ALX4: variants seen among roughly 807,000 people sequenced by gnomAD.
The protein encoded by ALX4 is ALX homeobox 4, also known as homeobox protein aristaless-like 4.
A neutral mutation model predicts 40.6 loss-of-function variants in ALX4; 22 were observed. The observed-to-expected ratio is 0.54, with a 90% CI of 0.39 to 0.77. The LOEUF (loss-of-function observed/expected upper bound fraction) is 0.77. ALX4 is among the 30% of genes least tolerant of loss of function. The pLI is 0.00. For synonymous variants in ALX4, 266 were observed against 240.5 expected (o/e 1.11, Z -0.98); for missense variants, 556 against 564.8 (o/e 0.98, Z 0.16).
chr11:44,280,009 T>C (rs1334071349), intron 1 of ALX4, among the ~76,000 whole-genome samples: 1 of 152,208 alleles, frequency 6.6e-6, no homozygotes, highest in East Asian at 1.9e-4. Context: ...GCCGATGTTC[T>C]ATAGAGCATG....
chr11:44,270,506 AG>A (rs1956239662), intron 2 of ALX4, among the ~76,000 whole-genome samples: 1 of 151,990 alleles, frequency 6.6e-6, no homozygotes, highest in Non-Finnish European at 1.5e-5. Flanking sequence ...TATCCTCCCC[AG>A]TAAATTGGAG....
chr11:44,273,710 G>A (rs1565000878), intron 2 of ALX4, among the ~76,000 whole-genome samples: 1 of 152,176 alleles, frequency 6.6e-6, no homozygotes, highest in Non-Finnish European at 1.5e-5. Context: ...CCAGCAGTAT[G>A]GGAGGCTGAG....
chr11:44,306,420 G>A (rs1308277831), intron 1 of ALX4, among the ~76,000 whole-genome samples: 1 of 152,252 alleles, frequency 6.6e-6, no homozygotes, highest in Non-Finnish European at 1.5e-5. Context: ...CACCTTCCTT[G>A]CCGAGAGGCA....
intron 1 of ALX4, among the ~76,000 whole-genome samples, chr11:44,289,577 A>G (rs1048886747): frequency 1.3e-5 from 2 of 152,180 alleles, no homozygotes; most frequent in Non-Finnish European, 2.9e-5. Flanking sequence ...GTGATGAGTT[A>G]TCTTTCTAAC....
chr11:44,279,442 A>T (rs1956296250), intron 1 of ALX4, among the ~76,000 whole-genome samples: 1 of 152,112 alleles, frequency 6.6e-6, no homozygotes, highest in African/African-American at 2.4e-5. Flanking sequence ...AAGCCAGCAG[A>T]TTGCTCTCCA....
rs974130614 is a variant in ALX4 at position 44,277,451 on chromosome 11, G to A, written c.467-1793C>T. 5.9e-5 allele frequency among the ~76,000 whole-genome samples: 9 copies of A among 152,304 alleles called. No individual in the cohort carries two copies. In the East Asian group the frequency reaches 7.7e-4, roughly 13 times the overall value. On this transcript the variant is annotated intron_variant, in intron 1 of 3. Transcript: ENST00000652299. ...AAAGAACAAACACAATTAATAAGAC[G>A]TTTGGGGAGCATTTGACACGACCTT... is the stretch of plus-strand genomic sequence containing the variant.
At chr11:44,292,994 G>A (rs2119857551) in intron 1 of ALX4, among the ~76,000 whole-genome samples, 1 of 151,900 alleles carries the variant, frequency 6.6e-6, no homozygotes, top group African/African-American at 2.4e-5. Flanking sequence ...AGCTACTCAG[G>A]AGGCTGAAGC....
chr11:44,275,324 C>A lies in ALX4; in HGVS notation c.777+24G>T, dbSNP rs530779077. On this transcript the variant is annotated intron_variant, in intron 2 of 3. Coordinates refer to ENST00000652299, the MANE Select transcript of ALX4 (RefSeq NM_021926.4). Reference sequence around the variant, plus strand: ...GGGACAGGCTCTGCTTTACCAGCCTCACTCCCAGGTGGCCCTCACTGACCT... The same window carrying A: ...GGGACAGGCTCTGCTTTACCAGCCTAACTCCCAGGTGGCCCTCACTGACCT... The A allele has an allele frequency of 8.7e-6, 14 of 1,613,856 alleles. No homozygotes were observed. In the African/African-American group the frequency reaches 1.7e-4, roughly 20 times the overall value.
chr11:44,285,467 G>A (rs1339197969), intron 1 of ALX4, among the ~76,000 whole-genome samples: 3 of 152,144 alleles, frequency 2.0e-5, no homozygotes, highest in African/African-American at 7.2e-5. Flanking sequence ...TACATGCATG[G>A]CGATTCCCTT....
At chr11:44,290,263 G>A (rs1431363228) in intron 1 of ALX4, among the ~76,000 whole-genome samples, 1 of 152,230 alleles carries the variant, frequency 6.6e-6, no homozygotes, top group East Asian at 1.9e-4. Flanking sequence ...CCAGAGGCTG[G>A]CGAGATGGAG....
intron 1 of ALX4, among the ~76,000 whole-genome samples, chr11:44,282,674 G>A (rs1416504489): frequency 1.3e-5 from 2 of 152,222 alleles, no homozygotes; most frequent in African/African-American, 2.4e-5. Flanking sequence ...CAATGACATG[G>A]ATGAATCTGA....
intron 1 of ALX4, among the ~76,000 whole-genome samples, chr11:44,305,998 G>C (rs1203352506): frequency 6.6e-6 from 1 of 152,232 alleles, no homozygotes; most frequent in Non-Finnish European, 1.5e-5. Context: ...TGAGTACAGG[G>C]AGGCTCTCTG....
intron 1 of ALX4, among the ~76,000 whole-genome samples, chr11:44,303,649 C>G (rs533256633): frequency 6.6e-6 from 1 of 152,312 alleles, no homozygotes; most frequent in African/African-American, 2.4e-5. Context: ...CTTTCCTCGG[C>G]GCTGGCTGGT....
In ALX4 at chr11:44,264,722, G is replaced by A; in HGVS notation, c.*132C>T. 9.5e-7 allele frequency: 1 copy of A among 1,048,496 alleles called. No homozygotes were observed. The highest frequency in any genetic ancestry group is 1.4e-6 in the Non-Finnish European group (1 of 732,576). 64.9% of individuals were successfully genotyped at this position (1,048,496 alleles called of 1,614,324 possible). A position where few individuals can be genotyped will look rare whatever the true frequency, so the allele number is the denominator to read the frequency against. ...ACGGGGCCTCAGACTTGGGGCGGCT[G>A]AAAGTGCTGAGGGTCAGGCCCCTGG... is the stretch of plus-strand genomic sequence containing the variant. On this transcript the variant is annotated 3_prime_UTR_variant, in exon 4 of 4. Transcript: ENST00000652299.
rs886048304 is a variant in ALX4, at chr11:44,264,775, C to T, written c.*79G>A. Reference sequence around the variant, plus strand: ...CAGGCCAGGTTCCTAAGAGGAAAGTCGAGTGGGAGGCTGGGGGCCTGGAAA... The same window carrying T: ...CAGGCCAGGTTCCTAAGAGGAAAGTTGAGTGGGAGGCTGGGGGCCTGGAAA... On this transcript the variant is annotated 3_prime_UTR_variant, in exon 4 of 4. Transcript: ENST00000652299. The T allele has an allele frequency of 2.5e-5, 38 of 1,522,340 alleles. No individual in the cohort carries two copies. The highest frequency in any genetic ancestry group is 2.1e-4 in the African/African-American group (15 of 73,150). The allele number at this position is 1,522,340 out of a possible 1,614,324, so 94.3% of individuals were successfully genotyped here.
In ALX4 at chr11:44,263,739, T is replaced by C. The variant is rs1432712642; in HGVS notation, c.*1115A>G. The C allele has an allele frequency of 6.6e-6, 1 of 152,360 alleles. No individual in the cohort carries two copies. The highest frequency in any genetic ancestry group is 1.9e-4 in the East Asian group (1 of 5,198). The allele number at this position is 152,360 out of a possible 1,614,324, so 9.4% of individuals were successfully genotyped here. ...AGGCCGAGCATGGCCACACGTCCTC[T>C]AGCAAAGCCTGCACGCAGCTTTTGA... On this transcript the variant is annotated 3_prime_UTR_variant, in exon 4 of 4. Transcript: ENST00000652299.
At chr11:44,301,874 C>A (rs1410110715) in intron 1 of ALX4, among the ~76,000 whole-genome samples, 1 of 152,202 alleles carries the variant, frequency 6.6e-6, no homozygotes, top group Admixed American at 6.5e-5. Context: ...GTGAGCCACA[C>A]GGGACAGAGG....
At chr11:44,301,670 G>T (rs1262815510) in intron 1 of ALX4, among the ~76,000 whole-genome samples, 2 of 152,182 alleles carry the variant, frequency 1.3e-5, no homozygotes, top group Non-Finnish European at 2.9e-5. Flanking sequence ...ACAAGAGAGC[G>T]GGTGAGTGGA....
At chr11:44,292,102 C>T (rs1956372996) in intron 1 of ALX4, among the ~76,000 whole-genome samples, 1 of 152,160 alleles carries the variant, frequency 6.6e-6, no homozygotes, top group African/African-American at 2.4e-5. Flanking sequence ...CAGGTGTGAG[C>T]CACCTCGCCT....
Sources: allele counts gnomAD v4.1 joint callset (sites outside exome capture counted in the v4.1 genomes callset), GRCh38; gene constraint gnomAD v4.1.1; transcripts MANE v1.5; gene names NCBI Gene and HGNC (gene_info 2026-07-23, HGNC 2026-07-21).